The following MME variants were observed in gnomAD, a reference collection of about 807,000 sequenced individuals.
MME encodes the protein membrane metalloendopeptidase.
A neutral mutation model predicts 113.2 loss-of-function variants in MME; 98 were observed. The observed-to-expected ratio is 0.87, with a 90% confidence interval of 0.74 to 1.02. The LOEUF is 1.02. Ranked by LOEUF, MME falls within the 50% of genes least tolerant of loss-of-function variation. The pLI is 0.00. For missense variants in MME, 836 were observed against 896.0 expected (o/e 0.93, Z 0.86); for synonymous variants, 292 against 300.6 (o/e 0.97, Z 0.30).
intron 1 of MME, among the ~76,000 whole-genome samples, chr3:155,064,672 T>G (rs1714328056): frequency 6.6e-6 from 1 of 152,174 alleles, no homozygotes; most frequent in East Asian, 1.9e-4. Flanking sequence ...ATCTTTCCCC[T>G]CAATCTACTT....
chr3:155,113,777 G>A (rs1166872931), intron 3 of MME, among the ~76,000 whole-genome samples: 1 of 152,118 alleles, frequency 6.6e-6, no homozygotes, highest in Non-Finnish European at 1.5e-5. Flanking sequence ...TAAACCAAGG[G>A]GAAATAGAAA....
chr3:155,169,481 CATT>C (rs1382122702), intron 20 of MME, among the ~76,000 whole-genome samples: 1 of 152,116 alleles, frequency 6.6e-6, no homozygotes, highest in East Asian at 1.9e-4. Context: ...TATGAAAGGT[CATT>C]ATTTGAGGAT....
chr3:155,068,966 T>C (rs2108142718), intron 1 of MME, among the ~76,000 whole-genome samples: 1 of 152,152 alleles, frequency 6.6e-6, no homozygotes, highest in Admixed American at 6.5e-5. Flanking sequence ...AAATTCATTG[T>C]TTGTTGGGGA....
chr3:155,095,462 T>A (rs1375919510), intron 3 of MME, among the ~76,000 whole-genome samples: 3 of 152,226 alleles, frequency 2.0e-5, no homozygotes, highest in African/African-American at 7.2e-5. Flanking sequence ...GCAGGCATGC[T>A]ATTTCTGTAG....
At chr3:155,040,111 C>T (rs993746043) in intron 1 of MME, among the ~76,000 whole-genome samples, 3 of 151,968 alleles carry the variant, frequency 2.0e-5, no homozygotes, top group African/African-American at 4.8e-5. Context: ...TGGATAAATT[C>T]GTACACAGAC....
rs199819647 is a variant in MME at position 155,180,974 on chromosome 3, G to A, written c.*515G>A. 1.3e-5 allele frequency: 2 copies of A among 158,760 alleles called. No homozygotes were observed. Among genetic ancestry groups the A allele is most frequent in the African/African-American group, 2.4e-5 (1 of 41,460 alleles). The allele number at this position is 158,760 out of a possible 1,614,324, so 9.8% of individuals were successfully genotyped here. ...TTCTTATACACATTGGGGCCTTGGA[G>A]CTTACATAGTTTTAAACTCATTTTT... On this transcript the variant is annotated 3_prime_UTR_variant, in exon 23 of 23. Transcript: ENST00000360490.
chr3:155,091,503 C>T lies in MME; in HGVS notation c.196+6409C>T, dbSNP rs148495085. Among the ~76,000 whole-genome samples, 217 of 152,216 alleles carry T rather than the reference C, an allele frequency of 1.4e-3. 1 individual carries two copies. Among genetic ancestry groups the T allele is most frequent in the African/African-American group, 5.0e-3 (209 of 41,544 alleles). On this transcript the variant is annotated intron_variant, in intron 3 of 22. Coordinates refer to ENST00000360490, the MANE Select transcript of MME (RefSeq NM_007289.4). ...ACTCCAAAGGTTTATTTTATAGCTA[C>T]AGAAATTATCTACATGTAGAGGGGG...
At chr3:155,143,998 G>A (rs1392713460) in intron 13 of MME, among the ~76,000 whole-genome samples, 1 of 152,108 alleles carries the variant, frequency 6.6e-6, no homozygotes, top group Non-Finnish European at 1.5e-5. Context: ...GAACTTAATG[G>A]TATGGTGAAA....
intron 14 of MME, among the ~76,000 whole-genome samples, chr3:155,145,026 C>CAATAATA (rs1721397299): frequency 6.6e-6 from 1 of 152,112 alleles, no homozygotes; most frequent in African/African-American, 2.4e-5. Flanking sequence ...ATAGAGGAGA[C>CAATAATA]AATAATAAAT....
intron 1 of MME, among the ~76,000 whole-genome samples, chr3:155,074,589 A>G (rs1398991317): frequency 1.3e-5 from 2 of 151,828 alleles, no homozygotes; most frequent in South Asian, 2.1e-4. Flanking sequence ...GTGCCACGAC[A>G]CCCATCAGAT....
chr3:155,144,696 A>G (rs1721375619), intron 14 of MME, among the ~76,000 whole-genome samples: 1 of 152,094 alleles, frequency 6.6e-6, no homozygotes, highest in Non-Finnish European at 1.5e-5. Context: ...TGTTCAAGCA[A>G]ATGTAAGGTG....
rs1324190008 is a variant in MME at position 155,116,709 on chromosome 3, C to T, written c.485C>T (p.Pro162Leu). ...RGGEPLLKLL[P>L]DIYGWPVATE... ...GGAGAACCTCTACTCAAACTGTTAC[C>T]AGACATATATGGGTGGCCAGTAGCA... The change falls in exon 6 of 23, where the codon CCA (proline) becomes CTA (leucine). Residue 162 changes from proline (P) to leucine (L), a missense_variant. Transcript: ENST00000360490. 2.5e-6 allele frequency: 4 copies of T among 1,613,302 alleles called. No individual in the cohort carries two copies. The highest frequency in any genetic ancestry group is 1.7e-5 in the Admixed American group (1 of 59,880).
At chr3:155,024,534 G>A (rs115551052) in intron 1 of MME, among the ~76,000 whole-genome samples, 2,508 of 152,320 alleles carry the variant, frequency 0.016, 32 homozygotes, top group Non-Finnish European at 0.027. Context: ...AGAGCTGGCA[G>A]TCTGAAGAGA....
chr3:155,043,348 T>TTTA (rs1713425675), intron 1 of MME, among the ~76,000 whole-genome samples: 1 of 151,710 alleles, frequency 6.6e-6, no homozygotes, highest in African/African-American at 2.4e-5. Flanking sequence ...TTTTTTTTTT[T>TTTA]GAGACGGAGT....
chr3:155,063,322 A>T (rs1231813567), intron 1 of MME, among the ~76,000 whole-genome samples: 2 of 108,934 alleles, frequency 1.8e-5, no homozygotes, highest in African/African-American at 7.5e-5. Context: ...TATCATTTAT[A>T]ATATATATAA....
intron 3 of MME, among the ~76,000 whole-genome samples, chr3:155,102,970 T>G (rs1261778212): frequency 6.6e-6 from 1 of 152,126 alleles, no homozygotes; most frequent in African/African-American, 2.4e-5. Flanking sequence ...GTCACCTACT[T>G]TCACTGCCTG....
rs376436889 is a variant in MME at position 155,133,062 on chromosome 3, A to ATATAT, written c.721-5040_721-5039insTATAT. 5.3e-5 allele frequency among the ~76,000 whole-genome samples: 4 copies of ATATAT among 75,078 alleles called. No homozygotes were observed. The East Asian group carries it at 1.3e-3, about 24-fold the overall frequency. 49.3% of individuals were successfully genotyped at this position (75,078 alleles called of 152,430 possible). A position where few individuals can be genotyped will look rare whatever the true frequency, so the allele number is the denominator to read the frequency against. ...TCTAAAAAAAAAAAAAAAAAAAAAAAATATATATATATATATATGTATAAA... is the reference window on the plus strand; with the variant it reads ...TCTAAAAAAAAAAAAAAAAAAAAAAATATATATATATATATATATATATGTATAAA... On this transcript the variant is annotated intron_variant, in intron 8 of 22. Transcript: ENST00000360490.
chr3:155,057,639 T>G (rs566853180), intron 1 of MME, among the ~76,000 whole-genome samples: 1 of 151,970 alleles, frequency 6.6e-6, no homozygotes, highest in African/African-American at 2.4e-5. Context: ...TTTTATACTC[T>G]CAGAGTGTTT....
At chr3:155,163,028 AAAAG>A (rs1722829271) in intron 17 of MME, among the ~76,000 whole-genome samples, 1 of 151,314 alleles carries the variant, frequency 6.6e-6, no homozygotes, top group Admixed American at 6.6e-5. Context: ...AAAAAAAAAA[AAAAG>A]AAAGAAAAAG....
Sources: gnomAD v4.1 joint callset for allele counts (sites outside exome capture counted in the v4.1 genomes callset) on GRCh38, gnomAD v4.1.1 for gene constraint, MANE v1.5 for transcripts, NCBI Gene and HGNC (gene_info 2026-07-23, HGNC 2026-07-21) for gene names.